Variants in IL1RAPL1 observed in about 807,000 individuals in gnomAD.
The protein encoded by IL1RAPL1 is interleukin 1 receptor accessory protein like 1, also known as interleukin-1 receptor accessory protein-like 1.
Under a neutral mutation model 48.4 loss-of-function variants are expected in IL1RAPL1, and 3 were observed. The observed-to-expected ratio is 0.06, with a 90% CI of 0.03 to 0.16. The LOEUF is 0.16. Among genes scored for constraint, IL1RAPL1 ranks in the 10% least tolerant of loss-of-function variants. The pLI, the probability that IL1RAPL1 is intolerant of heterozygous loss-of-function variation, is 1.00. For missense variants in IL1RAPL1, 349 were observed against 530.6 expected (o/e 0.66, Z 3.36); for synonymous variants, 185 against 187.7 (o/e 0.99, Z 0.12).
At chrX:29,833,159 A>G (rs939636488) in intron 6 of IL1RAPL1, among the ~76,000 whole-genome samples, 3 of 111,725 alleles carry the variant, frequency 2.7e-5, no homozygotes, top group South Asian at 7.4e-4. Context: ...CAACTTCACA[A>G]ATTCTTCCAG....
intron 2 of IL1RAPL1, among the ~76,000 whole-genome samples, chrX:28,940,211 G>A (rs1211470547): frequency 1.8e-5 from 2 of 110,978 alleles, no homozygotes; most frequent in African/African-American, 3.3e-5. Context: ...GAAGCAGGTT[G>A]GAATGTTCAT....
At chrX:28,987,764 T>C (rs921885588) in intron 2 of IL1RAPL1, among the ~76,000 whole-genome samples, 6 of 112,124 alleles carry the variant, frequency 5.4e-5, no homozygotes, top group African/African-American at 1.9e-4. Flanking sequence ...CTTGATAATT[T>C]CACCAAATAT....
chrX:29,762,678 G>A (rs1270067336), intron 6 of IL1RAPL1, among the ~76,000 whole-genome samples: 2 of 111,892 alleles, frequency 1.8e-5, no homozygotes, highest in East Asian at 2.8e-4. Context: ...CAATAATTTT[G>A]TCTGATTTTC....
At chrX:29,907,275 T>C (rs1030365801) in intron 6 of IL1RAPL1, among the ~76,000 whole-genome samples, 4 of 111,551 alleles carry the variant, frequency 3.6e-5, no homozygotes, top group African/African-American at 1.3e-4. Flanking sequence ...TTCATAATCA[T>C]TCTGTTTTTT....
At chrX:29,321,120 A>G (rs1036324824) in intron 3 of IL1RAPL1, among the ~76,000 whole-genome samples, 1 of 112,000 alleles carries the variant, frequency 8.9e-6, no homozygotes. Flanking sequence ...AAGGATTTTT[A>G]AGAGGTTTTG....
intron 3 of IL1RAPL1, among the ~76,000 whole-genome samples, chrX:29,371,862 T>TGC: frequency 1.8e-5 from 2 of 112,267 alleles, no homozygotes; most frequent in Non-Finnish European, 3.8e-5. Context: ...CTAAGTTGAT[T>TGC]CCATGTCTTT....
At chrX:29,845,945 T>A (rs1285127433) in intron 6 of IL1RAPL1, among the ~76,000 whole-genome samples, 1 of 110,660 alleles carries the variant, frequency 9.0e-6, no homozygotes, top group African/African-American at 3.3e-5. Flanking sequence ...CTTAGTATCA[T>A]GAGGACAGCA....
chrX:29,328,359 TAAG>T (rs1457888840), intron 3 of IL1RAPL1, among the ~76,000 whole-genome samples: 1 of 111,126 alleles, frequency 9.0e-6, no homozygotes, highest in Non-Finnish European at 1.9e-5. Flanking sequence ...AAGGCTTATA[TAAG>T]AAGATATCCC....
intron 2 of IL1RAPL1, among the ~76,000 whole-genome samples, chrX:29,004,616 A>G (rs1344701229): frequency 8.9e-6 from 1 of 112,433 alleles, no homozygotes; most frequent in Non-Finnish European, 1.9e-5. Context: ...TAATAAACAC[A>G]TTTTTAATTT....
chrX:29,769,431 T>G (rs1321819813), intron 6 of IL1RAPL1, among the ~76,000 whole-genome samples: 1 of 46,761 alleles, frequency 2.1e-5, no homozygotes, highest in Non-Finnish European at 4.0e-5. Context: ...CAAACAGTTT[T>G]TTTTTTTTTT....
At chrX:29,630,415 G>A (rs1187085284) in intron 5 of IL1RAPL1, among the ~76,000 whole-genome samples, 2 of 111,811 alleles carry the variant, frequency 1.8e-5, no homozygotes, top group African/African-American at 6.5e-5. Flanking sequence ...TAGTGGGAAG[G>A]ACTTCGTTGC....
intron 2 of IL1RAPL1, among the ~76,000 whole-genome samples, chrX:29,228,213 C>T (rs1301239481): frequency 2.7e-5 from 2 of 74,453 alleles, no homozygotes; most frequent in Non-Finnish European, 6.6e-5. Flanking sequence ...CACACACACA[C>T]ACACACACAC....
chrX:29,658,132 C>T (rs765534567), intron 5 of IL1RAPL1, among the ~76,000 whole-genome samples: 19 of 111,671 alleles, frequency 1.7e-4, no homozygotes, highest in Non-Finnish European at 3.4e-4. Context: ...TATTGAACCA[C>T]CTTTATTTAT....
chrX:29,370,664 G>C (rs1230243178), intron 3 of IL1RAPL1, among the ~76,000 whole-genome samples: 1 of 109,686 alleles, frequency 9.1e-6, no homozygotes, highest in African/African-American at 3.3e-5. Flanking sequence ...ATCCAGCATT[G>C]GGCCTCAATC....
intron 5 of IL1RAPL1, among the ~76,000 whole-genome samples, chrX:29,523,845 A>G (rs1935526322): frequency 9.0e-6 from 1 of 111,257 alleles, no homozygotes; most frequent in Admixed American, 9.6e-5. Flanking sequence ...TGTGCATGTT[A>G]TATGGGAAGA....
In IL1RAPL1 at chrX:29,336,301, T is replaced by TGG. The variant is rs1279335388; in HGVS notation, c.362+53087_362+53088dup. Among the ~76,000 whole-genome samples, 56 of 72,388 alleles carry TGG rather than the reference T, an allele frequency of 7.7e-4. 2 individuals are homozygous for TGG. In the East Asian group the frequency reaches 0.013, roughly 17 times the overall value. 62.9% of individuals were successfully genotyped at this position (72,388 alleles called of 115,157 possible). ...ATATATATATATATATGCACCGTTT[T>TGG]GGGGTGTGTGTGTGTGTGTGTGTGT... On this transcript the variant is annotated intron_variant, in intron 3 of 10. Coordinates refer to ENST00000378993, the MANE Select transcript of IL1RAPL1 (RefSeq NM_014271.4).
At chrX:29,216,715 G>A (rs959937899) in intron 2 of IL1RAPL1, among the ~76,000 whole-genome samples, 1 of 111,682 alleles carries the variant, frequency 9.0e-6, no homozygotes, top group Non-Finnish European at 1.9e-5. Context: ...GATTTCAAAG[G>A]AGATGGCTAA....
At chrX:29,924,048 A>C (rs1281008114) in intron 8 of IL1RAPL1, among the ~76,000 whole-genome samples, 5 of 111,833 alleles carry the variant, frequency 4.5e-5, no homozygotes, top group Non-Finnish European at 9.4e-5. Context: ...CAAATTACTT[A>C]ATCACTTTGA....
intron 2 of IL1RAPL1, among the ~76,000 whole-genome samples, chrX:28,825,932 C>T (rs967117899): frequency 9.0e-6 from 1 of 111,197 alleles, no homozygotes; most frequent in Non-Finnish European, 1.9e-5. Context: ...TATAGTAAGA[C>T]ATTTGAATTT....
Sources: gnomAD v4.1 joint callset for allele counts (sites outside exome capture counted in the v4.1 genomes callset) on GRCh38, gnomAD v4.1.1 for gene constraint, MANE v1.5 for transcripts, NCBI Gene and HGNC (gene_info 2026-07-23, HGNC 2026-07-21) for gene names.